Variants in PITPNM2 observed in about 807,000 individuals in gnomAD.
The protein encoded by PITPNM2 is phosphatidylinositol transfer protein membrane associated 2, also known as membrane-associated phosphatidylinositol transfer protein 2.
Under a neutral mutation model 132.2 loss-of-function variants are expected in PITPNM2, and 35 were observed. That is an observed-to-expected ratio of 0.26 (90% confidence interval 0.20 to 0.35). PITPNM2 has a LOEUF of 0.35. Among genes scored for constraint, PITPNM2 ranks in the 10% least tolerant of loss-of-function variants. The pLI is 1.00. For synonymous variants in PITPNM2, 738 were observed against 799.2 expected (o/e 0.92, Z 1.29); for missense variants, 1,332 against 1,912.0 (o/e 0.70, Z 5.66).
chr12:123,098,404 G>A (rs748614545), intron 2 of PITPNM2, among the ~76,000 whole-genome samples: 1 of 152,076 alleles, frequency 6.6e-6, no homozygotes, highest in Admixed American at 6.6e-5. Context: ...GCAGCAGTAC[G>A]AGATAAGAAA....
chr12:123,126,343 C>T (rs563892526), intron 1 of PITPNM2, among the ~76,000 whole-genome samples: 5 of 152,294 alleles, frequency 3.3e-5, no homozygotes, highest in Middle Eastern at 6.8e-3. Flanking sequence ...CTCACTCTTG[C>T]CCTACTATTC....
chr12:122,995,243 G>A (rs1464573160), intron 14 of PITPNM2, 146 bp downstream of exon 14: 1 of 1,258,038 alleles, frequency 7.9e-7, no homozygotes, highest in Admixed American at 2.8e-5. Flanking sequence ...TTTCTCCTGG[G>A]CCCAGACTGG....
intron 2 of PITPNM2, among the ~76,000 whole-genome samples, chr12:123,051,909 C>CTT (rs59131741): frequency 9.5e-4 from 137 of 143,570 alleles, no homozygotes; most frequent in South Asian, 2.2e-3. Context: ...CCATTCTATT[C>CTT]TTTTTTTTTT....
chr12:123,076,660 C>T (rs1460800635), intron 2 of PITPNM2, among the ~76,000 whole-genome samples: 3 of 152,212 alleles, frequency 2.0e-5, no homozygotes, highest in African/African-American at 7.2e-5. Flanking sequence ...GACTTCTCTG[C>T]AGTCAGCCCT....
rs532574923 is a variant in PITPNM2, at chr12:123,095,512, C to T, written c.-96+14873G>A. On this transcript the variant is annotated intron_variant, in intron 2 of 25. Coordinates refer to ENST00000320201, the MANE Select transcript of PITPNM2 (RefSeq NM_020845.3). This position sits in a 1 kb window ranked among gnomAD's most constrained non-coding sequence, Gnocchi z 5.0. ...TGTTGCCACCAGCCTGCCCCCTCCTCCCCCCGCCTCCGACCTGTCACCCAG... is the reference window on the plus strand; with the variant it reads ...TGTTGCCACCAGCCTGCCCCCTCCTTCCCCCGCCTCCGACCTGTCACCCAG... 3.9e-5 allele frequency among the ~76,000 whole-genome samples: 6 copies of T among 152,280 alleles called. No homozygotes were observed. The highest frequency in any genetic ancestry group is 3.9e-4 in the East Asian group (2 of 5,180).
In PITPNM2 at chr12:122,986,288, G is replaced by C. The variant is rs776374620; in HGVS notation, c.3789C>G (p.Pro1263=). 3 of 1,582,750 alleles carry C rather than the reference G, an allele frequency of 1.9e-6. No individual in the cohort carries two copies. The highest frequency in any genetic ancestry group is 1.1e-5 in the South Asian group (1 of 87,050). Residue 1263 remains proline, a synonymous_variant, in exon 26 of 26, where the codon CCC becomes CCG. Coordinates refer to ENST00000320201, the MANE Select transcript of PITPNM2 (RefSeq NM_020845.3). ...AQLKYSHRAR[P]ARNTATRMAL... ...CCATGCGGGTGGCCGTGTTGCGAGC[G>C]GGCCGCGCCCGGTGGCTGTACTTCA...
At chr12:123,139,780 G>A (rs2043464044) in intron 1 of PITPNM2, among the ~76,000 whole-genome samples, 1 of 152,050 alleles carries the variant, frequency 6.6e-6, no homozygotes, top group African/African-American at 2.4e-5. Context: ...AGAGAAGGGA[G>A]GCCCAGCCCT....
intron 2 of PITPNM2, among the ~76,000 whole-genome samples, chr12:123,051,801 C>G (rs903659665): frequency 2.0e-5 from 3 of 152,142 alleles, no homozygotes; most frequent in African/African-American, 4.8e-5. Flanking sequence ...TTTGCTCCAG[C>G]AAATGCCTGA....
At chr12:123,063,451 AG>A (rs1313262905) in intron 2 of PITPNM2, among the ~76,000 whole-genome samples, 13 of 152,212 alleles carry the variant, frequency 8.5e-5, no homozygotes, top group Admixed American at 8.5e-4. Context: ...GCTGGTGCTT[AG>A]GAAGTGCTTG....
rs1213763004 is a variant in PITPNM2 at position 123,095,206 on chromosome 12, G to A, written c.-96+15179C>T. ...GCCCAGGGGAATGGGCTGCTCCCCT[G>A]GGGAGTCGGTTATCTCTGCTCCAGA... On this transcript the variant is annotated intron_variant, in intron 2 of 25. Coordinates refer to ENST00000320201, the MANE Select transcript of PITPNM2 (RefSeq NM_020845.3). This position sits in a 1 kb window ranked among gnomAD's most constrained non-coding sequence, Gnocchi z 5.0. Among the ~76,000 whole-genome samples, 1 of 152,124 alleles carries A rather than the reference G, an allele frequency of 6.6e-6. No individual in the cohort carries two copies. Among genetic ancestry groups the A allele is most frequent in the Non-Finnish European group, 1.5e-5 (1 of 68,006 alleles).
intron 3 of PITPNM2, among the ~76,000 whole-genome samples, chr12:123,016,261 G>C (rs952782156): frequency 6.6e-6 from 1 of 151,814 alleles, no homozygotes; most frequent in Non-Finnish European, 1.5e-5. Flanking sequence ...AGGAGGCAGA[G>C]GTTGCAGTGA....
intron 19 of PITPNM2, 80 bp downstream of exon 19, chr12:122,988,644 G>A: frequency 7.1e-7 from 1 of 1,415,080 alleles, no homozygotes; most frequent in Non-Finnish European, 9.6e-7. Context: ...AGTCCCCACT[G>A]TCCCCTCGTC....
At chr12:123,055,815 A>T (rs1041158618) in intron 2 of PITPNM2, among the ~76,000 whole-genome samples, 1 of 152,090 alleles carries the variant, frequency 6.6e-6, no homozygotes, top group Non-Finnish European at 1.5e-5. Context: ...AGAAGCAAAC[A>T]GGGCAGAGGG....
At chr12:123,105,603 G>C (rs1230714149) in intron 2 of PITPNM2, 3 of 152,206 alleles carry the variant, frequency 2.0e-5, no homozygotes, top group Non-Finnish European at 4.4e-5. Context: ...GAAAGCTCCT[G>C]CTGACGACAC....
chr12:123,063,395 T>G (rs2041312838), intron 2 of PITPNM2, among the ~76,000 whole-genome samples: 2 of 152,224 alleles, frequency 1.3e-5, no homozygotes, highest in Non-Finnish European at 2.9e-5. Flanking sequence ...ACAGGCCTCT[T>G]GGGCTTGGTG....
chr12:123,089,560 A>G lies in PITPNM2; in HGVS notation c.-96+20825T>C, dbSNP rs552562043. On this transcript the variant is annotated intron_variant, in intron 2 of 25. Coordinates refer to ENST00000320201, the MANE Select transcript of PITPNM2 (RefSeq NM_020845.3). ...TTTAAAGCTGATCCGAGGGAAGACA[A>G]AGATGAATAAAGATGGAGGAGGAAG... 5 of 152,340 alleles carry G rather than the reference A, an allele frequency of 3.3e-5. No homozygotes were observed. The South Asian group carries it at 1.0e-3, about 32-fold the overall frequency. 9.4% of individuals were successfully genotyped at this position (152,340 alleles called of 1,614,324 possible). A position where few individuals can be genotyped will look rare whatever the true frequency, so the allele number is the denominator to read the frequency against.
rs898617149 is a variant in PITPNM2, at chr12:123,098,415, CAT to C, written c.-96+11968_-96+11969del. Among the ~76,000 whole-genome samples, 14 of 152,260 alleles carry C rather than the reference CAT, an allele frequency of 9.2e-5. No individual in the cohort carries two copies. The East Asian group carries it at 1.7e-3, about 19-fold the overall frequency. ...GAGGGCAGCAGTACGAGATAAGAAA[CAT>C]GTGCAGGCCAGGCACAGTGGCTCAA... is the stretch of plus-strand genomic sequence containing the variant. On this transcript the variant is annotated intron_variant, in intron 2 of 25. Coordinates refer to ENST00000320201, the MANE Select transcript of PITPNM2 (RefSeq NM_020845.3).
chr12:123,054,410 T>C (rs1300668563), intron 2 of PITPNM2, among the ~76,000 whole-genome samples: 1 of 152,238 alleles, frequency 6.6e-6, no homozygotes, highest in Non-Finnish European at 1.5e-5. Flanking sequence ...ATTTGGAGCA[T>C]GTCCTCAATC....
Position 122,986,105 on chromosome 12 carries a change from G to T in PITPNM2, c.3972C>A (p.Ser1324Arg). Residue 1324 changes from serine (S) to arginine (R), a missense_variant, in exon 26 of 26, where the codon AGC becomes AGA. Around this residue, in one of 6 missense-constraint regions of PITPNM2, gnomAD observed 163 missense variants for 177.2 expected, o/e 0.92. Coordinates refer to ENST00000320201, the MANE Select transcript of PITPNM2 (RefSeq NM_020845.3). Reference sequence around the variant, plus strand: ...CCCAGCAGCCGGCCGCCACACTCATGCTGCGCTGGCCCCGCTGCTCGCCAT... The same window carrying T: ...CCCAGCAGCCGGCCGCCACACTCATTCTGCGCTGGCCCCGCTGCTCGCCAT... ...QADGEQRGQR[S>R]MSVAAGCWGR... 2.7e-6 allele frequency: 4 copies of T among 1,479,464 alleles called. No individual in the cohort carries two copies. Among genetic ancestry groups the T allele is most frequent in the Non-Finnish European group, 3.6e-6 (4 of 1,123,954 alleles). The allele number at this position is 1,479,464 out of a possible 1,614,324, so 91.6% of individuals were successfully genotyped here.
Sources: allele counts gnomAD v4.1 joint callset (sites outside exome capture counted in the v4.1 genomes callset), GRCh38; gene constraint gnomAD v4.1.1; regional missense constraint gnomAD v4.1.1; non-coding constraint Gnocchi (gnomAD v3.1); transcripts MANE v1.5; gene names NCBI Gene and HGNC (gene_info 2026-07-23, HGNC 2026-07-21).